CDH13: variants seen among roughly 807,000 people sequenced by gnomAD.
The protein encoded by CDH13 is cadherin-13.
In CDH13, 24 loss-of-function variants were observed where a neutral mutation model predicts 63.8. The ratio of observed to expected loss-of-function variants is 0.38; its 90% CI spans 0.27 to 0.53. The LOEUF (loss-of-function observed/expected upper bound fraction) is 0.53, where lower values mean the gene tolerates loss of function less well. CDH13 is among the 20% of genes least tolerant of loss of function. The probability of loss-of-function intolerance (pLI) is 0.85; values close to 1 mark genes in which losing one functional copy is unlikely to be tolerated. For synonymous variants in CDH13, 503 were observed against 355.3 expected (o/e 1.42, Z -4.67); for missense variants, 1,049 against 903.1 (o/e 1.16, Z -2.07).
At chr16:83,676,614 A>T (rs1386168667) in intron 9 of CDH13, among the ~76,000 whole-genome samples, 3 of 152,246 alleles carry the variant, frequency 2.0e-5, no homozygotes, top group Non-Finnish European at 2.9e-5. Context: ...GATTGAACCG[A>T]CACATCACTG....
At chr16:83,397,254 A>G (rs2091901719) in intron 6 of CDH13, 1 of 152,116 alleles carries the variant, frequency 6.6e-6, no homozygotes, top group Non-Finnish European at 1.5e-5. Context: ...CACCCTCTTA[A>G]TCTAAGACAA....
intron 2 of CDH13, among the ~76,000 whole-genome samples, chr16:83,002,487 G>C (rs1913043227): frequency 6.6e-6 from 1 of 152,186 alleles, no homozygotes; most frequent in African/African-American, 2.4e-5. Context: ...GTTGTTTTAA[G>C]CCACAAAGCT....
At chr16:82,757,369 T>G (rs912243326) in intron 1 of CDH13, among the ~76,000 whole-genome samples, 3 of 147,776 alleles carry the variant, frequency 2.0e-5, no homozygotes, top group African/African-American at 7.3e-5. Flanking sequence ...CAAAGGCCCT[T>G]GTCTTGAGCT....
intron 3 of CDH13, among the ~76,000 whole-genome samples, chr16:83,070,798 G>C (rs1202891941): frequency 1.3e-5 from 2 of 148,830 alleles, no homozygotes; most frequent in African/African-American, 4.9e-5. Context: ...CAAAGGAGTT[G>C]TCTTAAGCAA....
At chr16:83,579,685 C>T (rs541892299) in intron 7 of CDH13, among the ~76,000 whole-genome samples, 1 of 152,066 alleles carries the variant, frequency 6.6e-6, no homozygotes, top group African/African-American at 2.4e-5. Flanking sequence ...TTCACAAGTG[C>T]GTATTCAGCA....
chr16:83,188,928 T>C (rs1430410357), intron 4 of CDH13, among the ~76,000 whole-genome samples: 1 of 152,110 alleles, frequency 6.6e-6, no homozygotes, highest in African/African-American at 2.4e-5. Flanking sequence ...ACGCTTGGAG[T>C]GAGACCCTTC....
chr16:83,406,768 C>G (rs1242694594), intron 6 of CDH13, among the ~76,000 whole-genome samples: 2 of 152,150 alleles, frequency 1.3e-5, no homozygotes, highest in African/African-American at 2.4e-5. Flanking sequence ...ACCCAGCCAG[C>G]TCTGCCTCTT....
In CDH13 at chr16:83,280,653, A is replaced by G. The variant is rs117117672; in HGVS notation, c.636+63156A>G. ...TTTTCAGTTTACTTTGCCCAGATCC[A>G]TCAAAGAAATCATATGCCAGCTATG... On this transcript the variant is annotated intron_variant, in intron 5 of 13. Transcript: ENST00000567109. Among the ~76,000 whole-genome samples the G allele has an allele frequency of 4.2e-3, 639 of 151,596 alleles. 1 individual carries two copies. The highest frequency in any genetic ancestry group is 6.6e-3 in the Non-Finnish European group (451 of 67,962).
At position 82,724,849 on chromosome 16, in the gene CDH13, A is replaced by G. The variant is rs186656508; in HGVS notation, c.45+97712A>G. ...GAATCTAGAGTCAGACTGATCGTAC[A>G]CCCTCAGTCTTCCAGTTGGATGTCC... On this transcript the variant is annotated intron_variant, in intron 1 of 13. Transcript: ENST00000567109. Among the ~76,000 whole-genome samples, 29 of 152,186 alleles carry G rather than the reference A, an allele frequency of 1.9e-4. No individual in the cohort carries two copies. In the East Asian group the frequency reaches 5.4e-3, roughly 28 times the overall value.
chr16:82,740,436 C>G (rs1040927541), intron 1 of CDH13, among the ~76,000 whole-genome samples: 1 of 152,172 alleles, frequency 6.6e-6, no homozygotes, highest in African/African-American at 2.4e-5. Flanking sequence ...TGTCTTTAAA[C>G]AGAGATGGGC....
At chr16:83,499,948 G>A (rs533206948) in intron 7 of CDH13, among the ~76,000 whole-genome samples, 4 of 152,024 alleles carry the variant, frequency 2.6e-5, no homozygotes, top group South Asian at 2.1e-4. Flanking sequence ...GATTACAGGC[G>A]CCTGCCACCA....
chr16:83,392,004 A>G lies in CDH13; in HGVS notation c.781+46998A>G, dbSNP rs559161674. The stretch of plus-strand genomic sequence containing the variant: ...GCAACTCTATGTAGTCAGGAGCTCC[A>G]TGCATCGCGGGGTGTCTAACACCTA... On this transcript the variant is annotated intron_variant, in intron 6 of 13. Coordinates refer to ENST00000567109, the MANE Select transcript of CDH13 (RefSeq NM_001257.5). Among the ~76,000 whole-genome samples the G allele has an allele frequency of 1.0e-3, 158 of 152,320 alleles. 1 individual carries two copies. Among genetic ancestry groups the G allele is most frequent in the African/African-American group, 3.7e-3 (154 of 41,570 alleles).
In CDH13 at chr16:83,318,808, G is replaced by T. The variant is rs577474756; in HGVS notation, c.637-26054G>T. Among the ~76,000 whole-genome samples the T allele has an allele frequency of 5.3e-5, 8 of 152,172 alleles. No homozygotes were observed. The East Asian group carries it at 1.5e-3, about 29-fold the overall frequency. ...TTTTCTCTCTTAGTGACCAGACAAT[G>T]GTGCTGTCTTTCTTTTGAAGTCACT... On this transcript the variant is annotated intron_variant, in intron 5 of 13. Transcript: ENST00000567109.
At chr16:83,314,028 A>G (rs1454591946) in intron 5 of CDH13, among the ~76,000 whole-genome samples, 5 of 152,222 alleles carry the variant, frequency 3.3e-5, no homozygotes, top group African/African-American at 1.2e-4. Flanking sequence ...GTTGTTCTGT[A>G]TATCAACTTA....
chr16:83,281,472 C>G (rs991990562), intron 5 of CDH13, among the ~76,000 whole-genome samples: 3 of 152,202 alleles, frequency 2.0e-5, no homozygotes, highest in Admixed American at 1.3e-4. Flanking sequence ...AAGGCAGTTT[C>G]ACTTCCTTGC....
intron 5 of CDH13, among the ~76,000 whole-genome samples, chr16:83,324,933 A>C (rs552962692): frequency 6.6e-6 from 1 of 152,132 alleles, no homozygotes. Context: ...TCACCTCTTC[A>C]GGCCCAGCCC....
At chr16:83,372,395 T>G (rs2091383794) in intron 6 of CDH13, among the ~76,000 whole-genome samples, 1 of 152,128 alleles carries the variant, frequency 6.6e-6, no homozygotes, top group African/African-American at 2.4e-5. Context: ...TTTCTCCCCA[T>G]TCTTCCCCAA....
intron 5 of CDH13, among the ~76,000 whole-genome samples, chr16:83,310,018 G>A (rs1168181870): frequency 6.6e-6 from 1 of 152,074 alleles, no homozygotes; most frequent in East Asian, 1.9e-4. Context: ...CAATATCAAT[G>A]GTTGAAAGAA....
intron 4 of CDH13, among the ~76,000 whole-genome samples, chr16:83,158,006 A>T (rs746512984): frequency 1.1e-4 from 17 of 152,140 alleles, no homozygotes; most frequent in Admixed American, 1.0e-3. Context: ...CCCCCAACCA[A>T]TGCATGCCGT....
Sources: allele counts gnomAD v4.1 joint callset (sites outside exome capture counted in the v4.1 genomes callset), GRCh38; gene constraint gnomAD v4.1.1; transcripts MANE v1.5; gene names NCBI Gene and HGNC (gene_info 2026-07-23, HGNC 2026-07-21).